Variants in ZNF567 observed in about 807,000 individuals in gnomAD.
The protein encoded by ZNF567 is zinc finger protein 567.
ZNF567 carries 36 observed loss-of-function variants against 53.9 expected under a neutral mutation model. The observed-to-expected ratio is 0.67, with a 90% CI of 0.51 to 0.88. ZNF567 has a LOEUF of 0.88. Ranked by LOEUF, ZNF567 falls within the 40% of genes least tolerant of loss-of-function variation. The pLI is 0.00. For missense variants in ZNF567, 619 were observed against 764.7 expected (o/e 0.81, Z 2.25); for synonymous variants, 224 against 260.4 (o/e 0.86, Z 1.35).
chr19:36,709,401 T>C (rs2039660111), intron 3 of ZNF567, among the ~76,000 whole-genome samples: 1 of 152,212 alleles, frequency 6.6e-6, no homozygotes, highest in Admixed American at 6.5e-5. Flanking sequence ...TTTATACTCT[T>C]ACAATTTTTC....
intron 5 of ZNF567, 64 bp downstream of exon 5, chr19:36,712,931 G>A: frequency 1.6e-6 from 2 of 1,272,364 alleles, no homozygotes; most frequent in Non-Finnish European, 2.2e-6. Flanking sequence ...GGTCAAGTGG[G>A]GGTGATACCT....
Position 36,715,555 on chromosome 19 carries a change from G to A in ZNF567, c.223+2688G>A, listed in dbSNP as rs190849390. 2.6e-3 allele frequency among the ~76,000 whole-genome samples: 358 copies of A among 139,022 alleles called. 1 individual carries two copies. Among genetic ancestry groups the A allele is most frequent in the African/African-American group, 9.0e-3 (334 of 37,264 alleles). The allele number at this position is 139,022 out of a possible 152,430, so 91.2% of individuals were successfully genotyped here. A position where few individuals can be genotyped will look rare whatever the true frequency, so the allele number is the denominator to read the frequency against. The stretch of plus-strand genomic sequence containing the variant: ...TATTATTATTATTATTTGAGATGGA[G>A]TTTCGTTCTTGTTGCCCAGGCTGGA... On this transcript the variant is annotated intron_variant, in intron 5 of 5. Transcript: ENST00000682579.
At chr19:36,690,564 C>T (rs1306192665) in intron 2 of ZNF567, among the ~76,000 whole-genome samples, 1 of 152,166 alleles carries the variant, frequency 6.6e-6, no homozygotes, top group Non-Finnish European at 1.5e-5. Flanking sequence ...GCACTCCAGC[C>T]TGGGCAACAG....
chr19:36,697,918 C>CTTTTTTTT (rs71171464), intron 3 of ZNF567, among the ~76,000 whole-genome samples: 3 of 135,746 alleles, frequency 2.2e-5, no homozygotes, highest in Non-Finnish European at 1.6e-5. Flanking sequence ...GCTGGAATTT[C>CTTTTTTTT]TTTTTTTTTT....
intron 5 of ZNF567, among the ~76,000 whole-genome samples, chr19:36,713,853 T>C (rs1042181188): frequency 1.3e-5 from 2 of 152,128 alleles, no homozygotes; most frequent in African/African-American, 4.8e-5. Context: ...GAGAATCGCT[T>C]AAACCCGGTA....
chr19:36,705,551 G>A (rs928013867), intron 3 of ZNF567, among the ~76,000 whole-genome samples: 2 of 152,140 alleles, frequency 1.3e-5, no homozygotes, highest in African/African-American at 4.8e-5. Flanking sequence ...TCTATATGAT[G>A]TCTTCCTAAA....
intron 3 of ZNF567, among the ~76,000 whole-genome samples, chr19:36,704,021 A>G (rs1008004966): frequency 3.9e-5 from 6 of 152,238 alleles, no homozygotes; most frequent in African/African-American, 1.4e-4. Context: ...TGTCTTCTGC[A>G]TCGCTCACGC....
At chr19:36,696,340 A>G (rs2038885511) in intron 3 of ZNF567, among the ~76,000 whole-genome samples, 1 of 152,076 alleles carries the variant, frequency 6.6e-6, no homozygotes, top group Non-Finnish European at 1.5e-5. Flanking sequence ...ACTACCTACC[A>G]CTATTATTCT....
Position 36,718,993 on chromosome 19 carries a change from A to T in ZNF567, c.269A>T (p.His90Leu). 1 of 1,582,014 alleles carries T rather than the reference A, an allele frequency of 6.3e-7. No homozygotes were observed. Among genetic ancestry groups the T allele is most frequent in the Non-Finnish European group, 8.5e-7 (1 of 1,171,280 alleles). ...GACTTTTTAGTGAAATTCAAGGAACACCAAGAGAAGTATTCTAGATCAGTT... is the reference window on the plus strand; with the variant it reads ...GACTTTTTAGTGAAATTCAAGGAACTCCAAGAGAAGTATTCTAGATCAGTT... ...AEDFLVKFKE[H>L]QEKYSRSVVS... The change falls in exon 6 of 6, where the codon CAC (histidine) becomes CTC (leucine). Residue 90 changes from histidine to leucine, a missense_variant. Coordinates refer to ENST00000682579, the MANE Select transcript of ZNF567 (RefSeq NM_001322917.1).
At chr19:36,670,805 C>G in the ZNF567 span, among the ~76,000 whole-genome samples, 2 of 152,102 alleles carry the variant, frequency 1.3e-5, no homozygotes, top group African/African-American at 4.8e-5. Context: ...TTTCCTTCCA[C>G]GAGATACTGC....
chr19:36,693,579 C>G (rs2038730106), intron 2 of ZNF567, among the ~76,000 whole-genome samples: 2 of 152,160 alleles, frequency 1.3e-5, no homozygotes, highest in Admixed American at 6.5e-5. Context: ...TTTGAACTTT[C>G]TAGCATTGTT....
At chr19:36,726,727 C>T (rs952557594), downstream of ZNF567, among the ~76,000 whole-genome samples, 1 of 152,292 alleles carries the variant, frequency 6.6e-6, no homozygotes, top group South Asian at 2.1e-4. Flanking sequence ...GGTAGTTTAA[C>T]AAGTATCTTT....
chr19:36,679,053 G>A, the ZNF567 span, among the ~76,000 whole-genome samples: 458 of 151,888 alleles, frequency 3.0e-3, 3 homozygotes, highest in African/African-American at 0.01. Flanking sequence ...TTGGGAGGCC[G>A]AGCTGGGCAG....
chr19:36,726,353 T>C (rs1215470991), downstream of ZNF567, among the ~76,000 whole-genome samples: 5 of 152,210 alleles, frequency 3.3e-5, no homozygotes, highest in African/African-American at 1.2e-4. Flanking sequence ...TTATCTATTA[T>C]GAGATTGTAG....
At chr19:36,667,742 C>T in the ZNF567 span, among the ~76,000 whole-genome samples, 28 of 150,570 alleles carry the variant, frequency 1.9e-4, no homozygotes, top group African/African-American at 5.8e-4. Context: ...CTCCGCCTCC[C>T]GGGTTCACGC....
downstream of ZNF567, among the ~76,000 whole-genome samples, chr19:36,723,844 TATA>T (rs2098969336): frequency 6.6e-6 from 1 of 151,924 alleles, no homozygotes; most frequent in African/African-American, 2.4e-5. Flanking sequence ...AAAAAGAAAA[TATA>T]ATCATGAATA....
At chr19:36,668,656 T>C in the ZNF567 span, 1 of 152,196 alleles carries the variant, frequency 6.6e-6, no homozygotes, top group African/African-American at 2.4e-5. Context: ...CAGAGCCGAC[T>C]TAGAGGAGTG....
At chr19:36,669,294 T>C in the ZNF567 span, 1 of 152,126 alleles carries the variant, frequency 6.6e-6, no homozygotes, top group East Asian at 1.9e-4. Context: ...ATTAGACTGT[T>C]GTGGCTTTGA....
chr19:36,721,338 A>G (rs2040294695), downstream of ZNF567: 1 of 152,132 alleles, frequency 6.6e-6, no homozygotes, highest in African/African-American at 2.4e-5. Flanking sequence ...TCTTGTTTAT[A>G]TCATGTGTGT....
Sources: allele counts gnomAD v4.1 joint callset (sites outside exome capture counted in the v4.1 genomes callset), GRCh38; gene constraint gnomAD v4.1.1; transcripts MANE v1.5; gene names NCBI Gene and HGNC (gene_info 2026-07-23, HGNC 2026-07-21).